The following SOX5 variants were observed in gnomAD, a reference collection of about 807,000 sequenced individuals.
The protein encoded by SOX5 is SRY-box transcription factor 5, also known as transcription factor SOX-5.
SOX5 carries 9 observed loss-of-function variants against 92.0 expected under a neutral mutation model. That is an observed-to-expected ratio of 0.10 (90% CI 0.06 to 0.17). The LOEUF (loss-of-function observed/expected upper bound fraction) is 0.17, where lower values mean the gene tolerates loss of function less well. Ranked by LOEUF, SOX5 falls within the 10% of genes least tolerant of loss-of-function variation. The pLI, the probability that SOX5 is intolerant of heterozygous loss-of-function variation, is 1.00. For missense variants in SOX5, 642 were observed against 944.5 expected (o/e 0.68, Z 4.20); for synonymous variants, 344 against 336.3 (o/e 1.02, Z -0.25).
intron 3 of SOX5, among the ~76,000 whole-genome samples, chr12:23,771,201 A>AG (rs977864035): frequency 6.6e-6 from 1 of 151,358 alleles, no homozygotes; most frequent in South Asian, 2.1e-4. Flanking sequence ...AAAAAAAAAA[A>AG]AAAGAAAGAA....
intron 3 of SOX5, among the ~76,000 whole-genome samples, chr12:23,804,912 G>GT (rs1208115079): frequency 5.9e-4 from 48 of 81,472 alleles, no homozygotes; most frequent in African/African-American, 2.3e-3. Flanking sequence ...ACCTATCATT[G>GT]TTTTATATAT....
chr12:23,777,986 A>G (rs2095160396), intron 3 of SOX5, among the ~76,000 whole-genome samples: 3 of 152,174 alleles, frequency 2.0e-5, no homozygotes, highest in African/African-American at 7.2e-5. Context: ...AAAATATGAA[A>G]CACAAATCAA....
intron 4 of SOX5, among the ~76,000 whole-genome samples, chr12:24,182,643 G>C (rs1955620576): frequency 1.3e-5 from 2 of 151,718 alleles, no homozygotes; most frequent in African/African-American, 2.4e-5. Context: ...TTTAAGGATA[G>C]ATTACTCATA....
intron 1 of SOX5, chr12:23,944,220 T>C (rs1026702312): frequency 6.6e-6 from 1 of 152,170 alleles, no homozygotes. Context: ...GGCAGCCCAC[T>C]GAGCAGAATG....
intron 4 of SOX5, among the ~76,000 whole-genome samples, chr12:24,021,226 G>A (rs995697475): frequency 2.0e-5 from 3 of 152,182 alleles, no homozygotes; most frequent in African/African-American, 7.2e-5. Flanking sequence ...TCTCTCCTAT[G>A]GCTGAGTAGA....
chr12:24,255,275 T>G (rs577439621), intron 3 of SOX5, among the ~76,000 whole-genome samples: 1 of 152,290 alleles, frequency 6.6e-6, no homozygotes, highest in Non-Finnish European at 1.5e-5. Flanking sequence ...AAGCAATTGT[T>G]GCCCCTAAAG....
At chr12:24,208,701 T>C (rs1202036428) in intron 4 of SOX5, among the ~76,000 whole-genome samples, 1 of 152,224 alleles carries the variant, frequency 6.6e-6, no homozygotes, top group African/African-American at 2.4e-5. Flanking sequence ...ACGCCAAATT[T>C]ATTCAACACA....
intron 4 of SOX5, among the ~76,000 whole-genome samples, chr12:24,115,041 G>C (rs1947836858): frequency 6.6e-6 from 1 of 152,132 alleles, no homozygotes; most frequent in South Asian, 2.1e-4. Context: ...TCAAAGATAG[G>C]CTTGAAGATT....
intron 1 of SOX5, among the ~76,000 whole-genome samples, chr12:24,540,409 C>G (rs1053607765): frequency 6.6e-6 from 1 of 152,058 alleles, no homozygotes; most frequent in Non-Finnish European, 1.5e-5. Flanking sequence ...ACTTAAAGAT[C>G]AGCCATTATT....
chr12:23,715,687 T>G (rs1448637854), intron 6 of SOX5, among the ~76,000 whole-genome samples: 1 of 151,746 alleles, frequency 6.6e-6, no homozygotes, highest in Admixed American at 6.6e-5. Flanking sequence ...GGCGAAGCAA[T>G]CAACGGCTCC....
chr12:24,004,521 A>G (rs984792614), intron 4 of SOX5, among the ~76,000 whole-genome samples: 1 of 152,122 alleles, frequency 6.6e-6, no homozygotes, highest in Non-Finnish European at 1.5e-5. Flanking sequence ...AAAGATGATC[A>G]GAAACATTAC....
At chr12:24,011,186 T>C (rs965845223) in intron 4 of SOX5, among the ~76,000 whole-genome samples, 3 of 152,158 alleles carry the variant, frequency 2.0e-5, no homozygotes, top group East Asian at 1.9e-4. Context: ...CAGAATTGCT[T>C]ATTTGCAGAT....
intron 8 of SOX5, among the ~76,000 whole-genome samples, chr12:23,605,014 A>G (rs573848123): frequency 8.9e-6 from 1 of 112,920 alleles, no homozygotes; most frequent in South Asian, 2.9e-4. Flanking sequence ...AAGTACAGAA[A>G]AGGCACTGAA....
rs779438570 is a variant in SOX5, at chr12:23,534,242, G to A, written c.2269C>T (p.His757Tyr). 103 of 1,613,880 alleles carry A rather than the reference G, an allele frequency of 6.4e-5. No individual in the cohort carries two copies. Among genetic ancestry groups the A allele is most frequent in the Non-Finnish European group, 8.5e-5 (100 of 1,179,952 alleles). ...TATCAGTTGGCTTGTCCTGCAATAT[G>A]GTTTTCACTGTCACTCCCATAATCT... ...DVDYGSDSENHIAGQAN is the reference protein window; with the variant it reads ...DVDYGSDSENYIAGQAN Residue 757 changes from histidine (H) to tyrosine (Y), a missense_variant, in exon 15 of 15, where the codon CAT becomes TAT. This residue lies in a region of SOX5 where 130 missense variants were observed against 140.6 expected (regional missense o/e 0.92). Coordinates refer to ENST00000451604, the MANE Select transcript of SOX5 (RefSeq NM_006940.6).
chr12:24,062,495 T>C (rs894868555), intron 4 of SOX5, among the ~76,000 whole-genome samples: 1 of 152,190 alleles, frequency 6.6e-6, no homozygotes, highest in Non-Finnish European at 1.5e-5. Context: ...AGGAATATAT[T>C]ACAGTGTCTT....
chr12:23,577,156 C>T (rs967427335), intron 9 of SOX5, among the ~76,000 whole-genome samples: 40 of 90,280 alleles, frequency 4.4e-4, no homozygotes, highest in South Asian at 1.1e-3. Flanking sequence ...TATATACACA[C>T]ACACACACAC....
chr12:23,995,565 G>A (rs959090470), intron 4 of SOX5, among the ~76,000 whole-genome samples: 3 of 152,080 alleles, frequency 2.0e-5, no homozygotes, highest in Non-Finnish European at 4.4e-5. Flanking sequence ...GGGCATGGTG[G>A]CACATGTGTG....
chr12:24,174,483 C>G (rs1954578130), intron 4 of SOX5, among the ~76,000 whole-genome samples: 1 of 151,518 alleles, frequency 6.6e-6, no homozygotes, highest in African/African-American at 2.4e-5. Context: ...AATTCTTGTT[C>G]CAGACATTAG....
intron 9 of SOX5, chr12:23,584,641 C>T (rs1006677476): frequency 1.5e-5 from 23 of 1,504,634 alleles, no homozygotes; most frequent in Non-Finnish European, 2.1e-5. Context: ...CGACAGTTAA[C>T]TGATATAAAC....
Sources: allele counts gnomAD v4.1 joint callset (sites outside exome capture counted in the v4.1 genomes callset), GRCh38; gene constraint gnomAD v4.1.1; regional missense constraint gnomAD v4.1.1; transcripts MANE v1.5; gene names NCBI Gene and HGNC (gene_info 2026-07-23, HGNC 2026-07-21).